FNBP1: variants seen among roughly 807,000 people sequenced by gnomAD.
The protein encoded by FNBP1 is formin binding protein 1.
Under a neutral mutation model 90.6 loss-of-function variants are expected in FNBP1, and 26 were observed. The observed-to-expected ratio is 0.29, with a 90% CI of 0.21 to 0.40. The LOEUF (loss-of-function observed/expected upper bound fraction) is 0.40, where lower values mean the gene tolerates loss of function less well. FNBP1 is among the 10% of genes least tolerant of loss of function. The probability of loss-of-function intolerance (pLI) is 1.00; values close to 1 mark genes in which losing one functional copy is unlikely to be tolerated. For missense variants in FNBP1, 635 were observed against 768.0 expected, an observed-to-expected ratio of 0.83 and a Z score of 2.05; for synonymous variants, 260 against 265.2, an observed-to-expected ratio of 0.98 and a Z score of 0.19.
In FNBP1 at chr9:129,890,727, A is replaced by G. The variant is rs115915677; in HGVS notation, c.1847-181T>C. Reference sequence around the variant, plus strand: ...GTTACCACAGGGCGGGTCTGAGATGAGGAACTTTCACGGTTTTCTCTCTAG... The same window carrying G: ...GTTACCACAGGGCGGGTCTGAGATGGGGAACTTTCACGGTTTTCTCTCTAG... On this transcript the variant is annotated intron_variant, in intron 16 of 16. Coordinates refer to ENST00000446176, the MANE Select transcript of FNBP1 (RefSeq NM_015033.3). The surrounding 1 kb of genome is among the most constrained non-coding windows in gnomAD (Gnocchi z 5.8). 0.016 allele frequency among the ~76,000 whole-genome samples: 2,463 copies of G among 152,270 alleles called. 73 individuals are homozygous for G. Among genetic ancestry groups the G allele is most frequent in the African/African-American group, 0.055 (2,301 of 41,542 alleles).
chr9:129,900,417 A>G lies in FNBP1; in HGVS notation c.1550+9T>C, dbSNP rs769413203. On this transcript the variant is annotated intron_variant, in intron 14 of 16. Transcript: ENST00000446176. The surrounding 1 kb of genome is among the most constrained non-coding windows in gnomAD (Gnocchi z 4.1). Reference sequence around the variant, plus strand: ...CTTGCCAGAGGCAGGCGCTGTGCAGATACTGTACCTCTCACGGTCCTGGGC... The same window carrying G: ...CTTGCCAGAGGCAGGCGCTGTGCAGGTACTGTACCTCTCACGGTCCTGGGC... 6.4e-7 allele frequency: 1 copy of G among 1,571,460 alleles called. No homozygotes were observed. Among genetic ancestry groups the G allele is most frequent in the Non-Finnish European group, 8.6e-7 (1 of 1,162,230 alleles).
intron 4 of FNBP1, among the ~76,000 whole-genome samples, chr9:129,973,834 AG>A (rs1374228864): frequency 8.6e-6 from 1 of 116,726 alleles, no homozygotes; most frequent in Non-Finnish European, 1.8e-5. Flanking sequence ...TTTTTGAGAC[AG>A]GGTCTCACTC....
At chr9:129,927,081 A>G in intron 8 of FNBP1, 114 bp downstream of exon 8, 1 of 1,069,792 alleles carries the variant, frequency 9.3e-7, no homozygotes, top group Non-Finnish European at 1.4e-6. Flanking sequence ...ATGTGTGACC[A>G]CCAAAAGCAA....
At chr9:129,975,836 G>A (rs1466903966) in intron 4 of FNBP1, among the ~76,000 whole-genome samples, 1 of 147,294 alleles carries the variant, frequency 6.8e-6, no homozygotes, top group African/African-American at 2.5e-5. Flanking sequence ...CTGGGAGGTG[G>A]AGGTTGTGGT....
intron 11 of FNBP1, among the ~76,000 whole-genome samples, chr9:129,912,455 G>GA (rs1228475829): frequency 6.6e-6 from 1 of 152,116 alleles, no homozygotes; most frequent in Non-Finnish European, 1.5e-5. Context: ...TTGGGAGGCC[G>GA]AGGCGGGTGG....
At chr9:129,994,358 G>A (rs558114872) in intron 2 of FNBP1, among the ~76,000 whole-genome samples, 57 of 152,266 alleles carry the variant, frequency 3.7e-4, no homozygotes, top group Non-Finnish European at 7.5e-4. Context: ...TCAAAAGTGG[G>A]CACTACTAAT....
chr9:130,036,912 G>C (rs138498011), intron 1 of FNBP1, among the ~76,000 whole-genome samples: 3,067 of 152,120 alleles, frequency 0.02, 104 homozygotes, highest in African/African-American at 0.07. Context: ...GGGCGCGGTG[G>C]CAGGCGCCTG....
rs1435779236 is a variant in FNBP1, at chr9:130,016,943, G to A, written c.25-21985C>T. ...AACAGAAGAGTCCCCTGATCTCATG[G>A]AGCTGTTAAAAATGTCATTTGGCAG... On this transcript the variant is annotated intron_variant, in intron 1 of 16. Transcript: ENST00000446176. 2.6e-5 allele frequency among the ~76,000 whole-genome samples: 4 copies of A among 152,146 alleles called. No individual in the cohort carries two copies. In the South Asian group the frequency reaches 8.3e-4, roughly 32 times the overall value.
At position 130,042,545 on chromosome 9, in the gene FNBP1, G is replaced by A. The variant is rs1227285427; in HGVS notation, c.24+407C>T. Among the ~76,000 whole-genome samples the A allele has an allele frequency of 6.6e-6, 1 of 151,754 alleles. No individual in the cohort carries two copies. Among genetic ancestry groups the A allele is most frequent in the Non-Finnish European group, 1.5e-5 (1 of 67,902 alleles). Reference sequence around the variant, plus strand: ...CCAGGACAGAACTCGCGGCCGGGGCGCCCCGAGACCCAACGCAGCGCCGCG... The same window carrying A: ...CCAGGACAGAACTCGCGGCCGGGGCACCCCGAGACCCAACGCAGCGCCGCG... On this transcript the variant is annotated intron_variant, in intron 1 of 16. Transcript: ENST00000446176. The surrounding 1 kb of genome is among the most constrained non-coding windows in gnomAD (Gnocchi z 5.5).
At chr9:129,893,635 A>AT in intron 16 of FNBP1, among the ~76,000 whole-genome samples, 1 of 140,266 alleles carries the variant, frequency 7.1e-6, no homozygotes, top group African/African-American at 2.7e-5. Context: ...AAAAAAAAAA[A>AT]AAGCCAGGCA....
intron 4 of FNBP1, among the ~76,000 whole-genome samples, chr9:129,963,673 G>A (rs1373652514): frequency 6.7e-6 from 1 of 148,492 alleles, no homozygotes; most frequent in Non-Finnish European, 1.5e-5. Context: ...GGAGTGCAGT[G>A]GCACAATCTC....
intron 1 of FNBP1, among the ~76,000 whole-genome samples, chr9:130,000,383 C>A (rs771590107): frequency 6.6e-6 from 1 of 151,836 alleles, no homozygotes; most frequent in Non-Finnish European, 1.5e-5. Flanking sequence ...CCCAGCTACT[C>A]GGGAGGCTGA....
intron 1 of FNBP1, among the ~76,000 whole-genome samples, chr9:130,000,577 T>C (rs1451767982): frequency 2.0e-5 from 3 of 152,202 alleles, no homozygotes; most frequent in Non-Finnish European, 2.9e-5. Flanking sequence ...AAACATTTCT[T>C]GTAAAATATT....
chr9:130,016,492 C>T (rs957631612), intron 1 of FNBP1, among the ~76,000 whole-genome samples: 2 of 152,092 alleles, frequency 1.3e-5, no homozygotes, highest in Admixed American at 6.6e-5. Context: ...ACCTGTAATC[C>T]CAGCACTTTG....
chr9:129,927,160 AT>A, intron 8 of FNBP1, 34 bp downstream of exon 8: 1 of 1,607,714 alleles, frequency 6.2e-7, no homozygotes, highest in Non-Finnish European at 8.5e-7. Flanking sequence ...GGATCTGCAA[AT>A]AGTTATCAAT....
At chr9:129,987,534 A>T (rs779721471) in intron 2 of FNBP1, among the ~76,000 whole-genome samples, 16 of 151,954 alleles carry the variant, frequency 1.1e-4, no homozygotes, top group Non-Finnish European at 1.9e-4. Context: ...CTTTTTGATA[A>T]ATTTTACCAA....
At chr9:129,975,681 C>T (rs966160231) in intron 4 of FNBP1, among the ~76,000 whole-genome samples, 16 of 152,016 alleles carry the variant, frequency 1.1e-4, no homozygotes, top group African/African-American at 3.9e-4. Context: ...ACGGGTGGAT[C>T]ATTTGAGGTC....
intron 1 of FNBP1, among the ~76,000 whole-genome samples, chr9:130,033,433 C>T (rs1438263944): frequency 2.0e-5 from 3 of 152,126 alleles, no homozygotes; most frequent in African/African-American, 7.2e-5. Context: ...TTTGGCTGTG[C>T]AAATAGAAGT....
chr9:129,946,456 C>T (rs916324670), intron 6 of FNBP1, among the ~76,000 whole-genome samples: 1 of 152,176 alleles, frequency 6.6e-6, no homozygotes, highest in African/African-American at 2.4e-5. Context: ...ATAATAAAAA[C>T]TCCTAATTAG....
Sources: allele counts gnomAD v4.1 joint callset (sites outside exome capture counted in the v4.1 genomes callset), GRCh38; gene constraint gnomAD v4.1.1; non-coding constraint Gnocchi (gnomAD v3.1); transcripts MANE v1.5; gene names NCBI Gene and HGNC (gene_info 2026-07-23, HGNC 2026-07-21).